CTDSPL2: variants seen among roughly 807,000 people sequenced by gnomAD.
CTDSPL2 encodes CTD small phosphatase-like protein 2.
CTDSPL2 carries 5 observed loss-of-function variants against 60.0 expected under a neutral mutation model. The observed-to-expected ratio is 0.08, with a 90% confidence interval of 0.04 to 0.18. The LOEUF is 0.18. Among genes scored for constraint, CTDSPL2 ranks in the 10% least tolerant of loss-of-function variants. CTDSPL2 has a pLI of 1.00. For synonymous variants in CTDSPL2, 186 were observed against 189.3 expected (o/e 0.98, Z 0.14); for missense variants, 370 against 548.8 (o/e 0.67, Z 3.26).
intron 2 of CTDSPL2, among the ~76,000 whole-genome samples, chr15:44,478,357 C>T (rs754834622): frequency 1.4e-5 from 2 of 141,680 alleles, no homozygotes; most frequent in African/African-American, 2.6e-5. Context: ...GAGGCTGAGG[C>T]AGGAAAATCG....
At position 44,494,379 on chromosome 15, in the gene CTDSPL2, G is replaced by A. The variant is rs1396005949; in HGVS notation, c.692-2001G>A. Among the ~76,000 whole-genome samples the A allele has an allele frequency of 2.6e-5, 4 of 152,246 alleles. No individual in the cohort carries two copies. In the East Asian group the frequency reaches 7.7e-4, roughly 29 times the overall value. Reference sequence around the variant, plus strand: ...CCAGCACTTGAGGAGGCCTAGGAAGGAGGATCTGTTCAGCCCAGGAGTTCA... The same window carrying A: ...CCAGCACTTGAGGAGGCCTAGGAAGAAGGATCTGTTCAGCCCAGGAGTTCA... On this transcript the variant is annotated intron_variant, in intron 5 of 12. Transcript: ENST00000260327.
intron 2 of CTDSPL2, among the ~76,000 whole-genome samples, chr15:44,472,266 C>G (rs192533940): frequency 6.6e-6 from 1 of 152,288 alleles, no homozygotes. Flanking sequence ...AACTGCCAGA[C>G]TGTTTTCCAA....
At chr15:44,441,605 G>A (rs970666666) in intron 1 of CTDSPL2, among the ~76,000 whole-genome samples, 5 of 152,104 alleles carry the variant, frequency 3.3e-5, no homozygotes, top group African/African-American at 4.8e-5. Context: ...GTTTCTTCCC[G>A]TGGTCTACCT....
intron 10 of CTDSPL2, 58 bp downstream of exon 10, chr15:44,514,902 AT>A (rs1263559804): frequency 2.0e-6 from 2 of 1,018,896 alleles, no homozygotes; most frequent in African/African-American, 3.2e-5. Context: ...GAAATTACTG[AT>A]TCTATTTCAT....
intron 8 of CTDSPL2, chr15:44,503,600 A>G (rs2081413596): frequency 6.6e-6 from 1 of 152,228 alleles, no homozygotes; most frequent in Non-Finnish European, 1.5e-5. Context: ...ACTGGAGCTC[A>G]GTTTTTTGAA....
Position 44,496,395 on chromosome 15 carries a change from A to G in CTDSPL2, c.707A>G (p.Asp236Gly), listed in dbSNP as rs1567093609. The G allele has an allele frequency of 1.2e-6, 2 of 1,613,102 alleles. No individual in the cohort carries two copies. The highest frequency in any genetic ancestry group is 1.7e-6 in the Non-Finnish European group (2 of 1,179,138). The part of the protein sequence containing the change: ...IPPLTAPVTP[D>G]SGYSSAHAEA... ...TGTTAAATAGCACCAGTAACTCCAGATAGTGGTTATTCATCAGCCCACGCG... is the reference window on the plus strand; with the variant it reads ...TGTTAAATAGCACCAGTAACTCCAGGTAGTGGTTATTCATCAGCCCACGCG... Residue 236 changes from aspartate (D) to glycine (G), a missense_variant, in exon 6 of 13, where the codon GAT (aspartate) becomes GGT (glycine). Around this residue, in one of 6 missense-constraint regions of CTDSPL2, gnomAD observed 287 missense variants for 296.1 expected, o/e 0.97. Coordinates refer to ENST00000260327, the MANE Select transcript of CTDSPL2 (RefSeq NM_016396.3).
intron 1 of CTDSPL2, among the ~76,000 whole-genome samples, chr15:44,441,254 T>C (rs2080079248): frequency 6.6e-6 from 1 of 152,176 alleles, no homozygotes; most frequent in Non-Finnish European, 1.5e-5. Flanking sequence ...CGCATTCACT[T>C]GTGCCTTGCG....
At chr15:44,510,410 T>A (rs534459835) in intron 8 of CTDSPL2, among the ~76,000 whole-genome samples, 11 of 152,342 alleles carry the variant, frequency 7.2e-5, no homozygotes, top group Non-Finnish European at 1.5e-4. Context: ...AATAGTTTTT[T>A]AAATATAATT....
chr15:44,429,136 A>G (rs897990866), intron 1 of CTDSPL2, among the ~76,000 whole-genome samples: 1 of 152,226 alleles, frequency 6.6e-6, no homozygotes, highest in Non-Finnish European at 1.5e-5. Context: ...GTTAATTTTC[A>G]ATAATAAACA....
At chr15:44,438,989 T>A (rs1453141486) in intron 1 of CTDSPL2, among the ~76,000 whole-genome samples, 3 of 152,116 alleles carry the variant, frequency 2.0e-5, no homozygotes, top group African/African-American at 7.2e-5. Flanking sequence ...TATATACTTT[T>A]TTCTTCCAAT....
At chr15:44,456,477 T>A (rs934437220) in intron 1 of CTDSPL2, among the ~76,000 whole-genome samples, 9 of 152,188 alleles carry the variant, frequency 5.9e-5, no homozygotes, top group Non-Finnish European at 1.2e-4. Context: ...TGGGAGGGTG[T>A]GTGTGTCCAG....
At chr15:44,481,466 C>T (rs2081025680) in intron 2 of CTDSPL2, among the ~76,000 whole-genome samples, 1 of 152,070 alleles carries the variant, frequency 6.6e-6, no homozygotes, top group South Asian at 2.1e-4. Context: ...TTCTTCTAAA[C>T]CAGACAACAA....
rs558650886 is a variant in CTDSPL2 at position 44,507,073 on chromosome 15, GTTTGTTT to G, written c.969+7271_969+7277del. Reference sequence around the variant, plus strand: ...TGAGCCACCGCGCCTGGCTTTTTTTGTTTGTTTTTTGTTTTTTTTTTTAAATAAGACT... The same window carrying G: ...TGAGCCACCGCGCCTGGCTTTTTTTGTTTGTTTTTTTTTTTAAATAAGACT... On this transcript the variant is annotated intron_variant, in intron 8 of 12. Transcript: ENST00000260327. 4.1e-3 allele frequency among the ~76,000 whole-genome samples: 612 copies of G among 149,116 alleles called. 7 individuals are homozygous for G. The highest frequency in any genetic ancestry group is 0.014 in the African/African-American group (585 of 40,648).
intron 2 of CTDSPL2, among the ~76,000 whole-genome samples, chr15:44,476,884 G>A (rs2080927679): frequency 6.6e-6 from 1 of 152,148 alleles, no homozygotes; most frequent in Admixed American, 6.5e-5. Context: ...AAGTTACAGA[G>A]ATTATAGCAG....
chr15:44,499,131 C>A (rs1055983048), intron 7 of CTDSPL2, among the ~76,000 whole-genome samples: 1 of 152,038 alleles, frequency 6.6e-6, no homozygotes. Context: ...ACATTGTTGC[C>A]AGGCACGGTG....
chr15:44,452,466 C>T (rs1278448006), intron 1 of CTDSPL2, among the ~76,000 whole-genome samples: 3 of 151,966 alleles, frequency 2.0e-5, no homozygotes, highest in Non-Finnish European at 2.9e-5. Flanking sequence ...CAGTTTGGGA[C>T]TAGAAACAGC....
At chr15:44,449,050 C>T in intron 1 of CTDSPL2, 2 of 318,402 alleles carry the variant, frequency 6.3e-6, no homozygotes, top group Non-Finnish European at 1.2e-5. Context: ...TCCTGATTTG[C>T]TACAAATATT....
intron 2 of CTDSPL2, among the ~76,000 whole-genome samples, chr15:44,466,716 G>A (rs573267711): frequency 1.3e-5 from 2 of 151,994 alleles, no homozygotes; most frequent in African/African-American, 2.4e-5. Flanking sequence ...AGGCCGAGGC[G>A]GGCGGATCAT....
chr15:44,441,414 C>T (rs2080082746), intron 1 of CTDSPL2, among the ~76,000 whole-genome samples: 1 of 152,156 alleles, frequency 6.6e-6, no homozygotes, highest in South Asian at 2.1e-4. Context: ...TCTTCAGTCC[C>T]ATGTTCGCAT....
Sources: gnomAD v4.1 joint callset for allele counts (sites outside exome capture counted in the v4.1 genomes callset) on GRCh38, gnomAD v4.1.1 for gene constraint, gnomAD v4.1.1 regional missense constraint, MANE v1.5 for transcripts, NCBI Gene and HGNC (gene_info 2026-07-23, HGNC 2026-07-21) for gene names.